The following PBX3 variants were observed in gnomAD, a reference collection of about 807,000 sequenced individuals.
PBX3 encodes the protein PBX homeobox 3, also known as pre-B-cell leukemia transcription factor 3.
PBX3 carries 14 observed loss-of-function variants against 48.5 expected under a neutral mutation model. The ratio of observed to expected loss-of-function variants is 0.29; its 90% confidence interval spans 0.19 to 0.45. PBX3 has a LOEUF of 0.45. PBX3 is among the 20% of genes least tolerant of loss of function. The pLI, the probability that PBX3 is intolerant of heterozygous loss-of-function variation, is 1.00. For missense variants in PBX3, 386 were observed against 546.7 expected, an observed-to-expected ratio of 0.71 and a Z score of 2.93; for synonymous variants, 210 against 200.3, an observed-to-expected ratio of 1.05 and a Z score of -0.41.
intron 5 of PBX3, among the ~76,000 whole-genome samples, chr9:125,940,069 C>G (rs1224994127): frequency 6.6e-6 from 1 of 152,042 alleles, no homozygotes; most frequent in Non-Finnish European, 1.5e-5. Context: ...GTAATCCCAC[C>G]TATTCGGGAG....
intron 2 of PBX3, among the ~76,000 whole-genome samples, chr9:125,830,866 A>G (rs1467440803): frequency 6.6e-6 from 1 of 151,836 alleles, no homozygotes; most frequent in Middle Eastern, 3.2e-3. Flanking sequence ...GTTGTTGTTC[A>G]TTGGTGTGTA....
chr9:125,853,100 C>A lies in PBX3; in HGVS notation c.275-62586C>A, dbSNP rs192168233. Among the ~76,000 whole-genome samples the A allele has an allele frequency of 1.7e-3, 262 of 152,216 alleles. 2 individuals carry two copies. Among genetic ancestry groups the A allele is most frequent in the African/African-American group, 6.1e-3 (254 of 41,518 alleles). On this transcript the variant is annotated intron_variant, in intron 2 of 8. Coordinates refer to ENST00000373489, the MANE Select transcript of PBX3 (RefSeq NM_006195.6). ...CTGTATAAAATGTGATGTGTTGGCC[C>A]ACCCAGAGATTATACTGTTGGCCAT...
chr9:125,928,132 G>A (rs962617314), intron 3 of PBX3, among the ~76,000 whole-genome samples: 6 of 151,272 alleles, frequency 4.0e-5, no homozygotes, highest in East Asian at 2.0e-4. Flanking sequence ...GCAGTGAGCC[G>A]AGATCACACC....
intron 2 of PBX3, among the ~76,000 whole-genome samples, chr9:125,882,123 T>C (rs939699209): frequency 4.0e-5 from 6 of 151,516 alleles, no homozygotes; most frequent in African/African-American, 1.2e-4. Context: ...CTAGCTACTA[T>C]GGAGGATGAG....
chr9:125,847,256 T>C (rs1395761820), intron 2 of PBX3, among the ~76,000 whole-genome samples: 2 of 151,998 alleles, frequency 1.3e-5, no homozygotes, highest in African/African-American at 4.8e-5. Flanking sequence ...TTCTTTTCAA[T>C]TTATTTCTTA....
At chr9:125,946,370 G>A (rs1460283711) in intron 5 of PBX3, among the ~76,000 whole-genome samples, 1 of 152,004 alleles carries the variant, frequency 6.6e-6, no homozygotes, top group African/African-American at 2.4e-5. Flanking sequence ...AAGACAAAAT[G>A]ACAATGTTTC....
chr9:125,764,605 A>G (rs1836755525), intron 2 of PBX3, among the ~76,000 whole-genome samples: 1 of 152,190 alleles, frequency 6.6e-6, no homozygotes, highest in East Asian at 1.9e-4. Context: ...TAAGAAAAAT[A>G]TTGTTTTGCA....
intron 2 of PBX3, among the ~76,000 whole-genome samples, chr9:125,828,756 A>G (rs1040177443): frequency 1.3e-5 from 2 of 152,208 alleles, no homozygotes; most frequent in African/African-American, 4.8e-5. Context: ...AGTTTATTCA[A>G]TTTGTTAGAA....
chr9:125,796,949 A>AG (rs1231959881), intron 2 of PBX3, among the ~76,000 whole-genome samples: 24 of 152,200 alleles, frequency 1.6e-4, no homozygotes, highest in African/African-American at 5.8e-4. Flanking sequence ...TTAGAATGTT[A>AG]ATGTTGGTTG....
intron 5 of PBX3, among the ~76,000 whole-genome samples, chr9:125,946,590 G>T (rs1364326398): frequency 6.6e-6 from 1 of 152,148 alleles, no homozygotes; most frequent in East Asian, 1.9e-4. Flanking sequence ...CCAGTGGATT[G>T]GGTTAAAAGC....
chr9:125,830,027 G>T (rs533685797), intron 2 of PBX3, among the ~76,000 whole-genome samples: 5 of 152,156 alleles, frequency 3.3e-5, no homozygotes, highest in African/African-American at 9.7e-5. Context: ...GCAGTGTCTC[G>T]CGTCACTGTC....
At chr9:125,772,346 G>A (rs1359745924) in intron 2 of PBX3, among the ~76,000 whole-genome samples, 1 of 152,072 alleles carries the variant, frequency 6.6e-6, no homozygotes, top group Non-Finnish European at 1.5e-5. Flanking sequence ...TTATGTTTTG[G>A]GAACTGGGTT....
intron 2 of PBX3, among the ~76,000 whole-genome samples, chr9:125,781,379 G>T (rs1837304886): frequency 6.6e-6 from 1 of 151,774 alleles, no homozygotes; most frequent in Non-Finnish European, 1.5e-5. Context: ...AACCAGTCAG[G>T]CGTGGTGGCG....
At position 125,901,266 on chromosome 9, in the gene PBX3, G is replaced by A. The variant is rs182366593; in HGVS notation, c.275-14420G>A. Among the ~76,000 whole-genome samples the A allele has an allele frequency of 8.4e-3, 1,269 of 151,670 alleles. 20 individuals carry two copies. The highest frequency in any genetic ancestry group is 0.029 in the African/African-American group (1,220 of 41,466). The stretch of plus-strand genomic sequence containing the variant: ...ATAAATTTCATGTTTTAAAATAAAT[G>A]CTTTTCACTTATAGGCCATTTATAG... On this transcript the variant is annotated intron_variant, in intron 2 of 8. Transcript: ENST00000373489.
At chr9:125,783,571 GCCA>G (rs1837379547) in intron 2 of PBX3, among the ~76,000 whole-genome samples, 1 of 152,148 alleles carries the variant, frequency 6.6e-6, no homozygotes, top group South Asian at 2.1e-4. Flanking sequence ...ACAGGCATCA[GCCA>G]CCACGTGGGC....
At chr9:125,940,497 C>A (rs144311216) in intron 5 of PBX3, among the ~76,000 whole-genome samples, 1,703 of 152,248 alleles carry the variant, frequency 0.011, 45 homozygotes, top group African/African-American at 0.039. Flanking sequence ...AGACCCATGT[C>A]CTACCTGATA....
chr9:125,857,047 A>T (rs190314534), intron 2 of PBX3, among the ~76,000 whole-genome samples: 1 of 152,326 alleles, frequency 6.6e-6, no homozygotes, highest in Admixed American at 6.5e-5. Flanking sequence ...CTTTATCTTC[A>T]TTCAGAAATT....
chr9:125,750,691 G>C (rs1836347981), intron 2 of PBX3, among the ~76,000 whole-genome samples: 1 of 152,070 alleles, frequency 6.6e-6, no homozygotes, highest in Non-Finnish European at 1.5e-5. Flanking sequence ...TTTGTGCTTT[G>C]GCCAGTGGAT....
intron 2 of PBX3, among the ~76,000 whole-genome samples, chr9:125,865,766 T>G (rs1839964171): frequency 6.6e-6 from 1 of 152,200 alleles, no homozygotes; most frequent in Admixed American, 6.5e-5. Flanking sequence ...AGCTAAGGAT[T>G]AGAAGAGACA....
Sources: allele counts gnomAD v4.1 joint callset (sites outside exome capture counted in the v4.1 genomes callset), GRCh38; gene constraint gnomAD v4.1.1; transcripts MANE v1.5; gene names NCBI Gene and HGNC (gene_info 2026-07-23, HGNC 2026-07-21).